Variants in FAM117B observed in about 807,000 individuals in gnomAD.
FAM117B encodes the protein protein FAM117B.
A neutral mutation model predicts 52.8 loss-of-function variants in FAM117B; 22 were observed. The observed-to-expected ratio is 0.42, with a 90% confidence interval of 0.30 to 0.59. FAM117B has a LOEUF of 0.59. FAM117B is among the 20% of genes least tolerant of loss of function. The pLI is 0.22. For missense variants in FAM117B, 678 were observed against 802.6 expected (o/e 0.84, Z 1.88); for synonymous variants, 309 against 324.1 (o/e 0.95, Z 0.50).
chr2:202,650,503 A>C (rs902302082), intron 1 of FAM117B, among the ~76,000 whole-genome samples: 1 of 152,204 alleles, frequency 6.6e-6, no homozygotes, highest in African/African-American at 2.4e-5. Flanking sequence ...GAACTGAACT[A>C]ATAGGATAGA....
chr2:202,692,691 A>C (rs976889972), intron 1 of FAM117B, among the ~76,000 whole-genome samples: 1 of 152,314 alleles, frequency 6.6e-6, no homozygotes, highest in South Asian at 2.1e-4. Flanking sequence ...AATTTTACGT[A>C]TCATCTTCGA....
chr2:202,654,019 G>T (rs1159519366), intron 1 of FAM117B, among the ~76,000 whole-genome samples: 3 of 151,518 alleles, frequency 2.0e-5, no homozygotes, highest in Middle Eastern at 3.4e-3. Flanking sequence ...AATTTCCCCA[G>T]TGAAATCATC....
chr2:202,755,473 T>TA, intron 4 of FAM117B, 65 bp from the exon 5 acceptor site: 2 of 1,569,594 alleles, frequency 1.3e-6, no homozygotes, highest in East Asian at 4.5e-5. Flanking sequence ...CTGTTGGAAT[T>TA]ACGCTTCAGC....
rs974823749 is a variant in FAM117B at position 202,750,123 on chromosome 2, G to A, written c.961-5415G>A. 1.6e-4 allele frequency among the ~76,000 whole-genome samples: 25 copies of A among 152,186 alleles called. 1 individual carries two copies. The highest frequency in any genetic ancestry group is 5.5e-4 in the African/African-American group (23 of 41,446). On this transcript the variant is annotated intron_variant, in intron 4 of 7. Coordinates refer to ENST00000392238, the MANE Select transcript of FAM117B (RefSeq NM_173511.4). Reference sequence around the variant, plus strand: ...TTGCAGACAGCTCCCTTCTTGCTGTGTGCTTATATGAGCTCTTCGTGTGCA... The same window carrying A: ...TTGCAGACAGCTCCCTTCTTGCTGTATGCTTATATGAGCTCTTCGTGTGCA...
rs369824992 is a variant in FAM117B at position 202,761,257 on chromosome 2, A to G, written c.1451+1904A>G. On this transcript the variant is annotated intron_variant, in intron 7 of 7. Transcript: ENST00000392238. ...GGATTTGCCTAAGTGCTAAATGTAG[A>G]GATTTGGTTGATTGGCTCCAAAGCA... Among the ~76,000 whole-genome samples the G allele has an allele frequency of 4.7e-4, 71 of 152,306 alleles. No individual in the cohort carries two copies. In the South Asian group the frequency reaches 0.012, roughly 25 times the overall value.
chr2:202,759,776 C>T (rs1691856950), intron 7 of FAM117B, among the ~76,000 whole-genome samples: 1 of 151,132 alleles, frequency 6.6e-6, no homozygotes, highest in African/African-American at 2.4e-5. Flanking sequence ...CCAGGATGGT[C>T]TCAATCTCCT....
intron 1 of FAM117B, among the ~76,000 whole-genome samples, chr2:202,660,281 T>C (rs1690109694): frequency 6.6e-6 from 1 of 152,038 alleles, no homozygotes; most frequent in African/African-American, 2.4e-5. Context: ...CTCTGAGTCC[T>C]ATTTAAGGCA....
chr2:202,665,552 G>A (rs1215126452), intron 1 of FAM117B, among the ~76,000 whole-genome samples: 2 of 152,156 alleles, frequency 1.3e-5, no homozygotes, highest in Admixed American at 6.5e-5. Context: ...AATCGTGGAT[G>A]TGATATCTCG....
At chr2:202,648,367 G>A (rs1393110152) in intron 1 of FAM117B, among the ~76,000 whole-genome samples, 2 of 151,932 alleles carry the variant, frequency 1.3e-5, no homozygotes, top group Non-Finnish European at 2.9e-5. Flanking sequence ...AAAAAAATTA[G>A]CCGAGTATAG....
intron 1 of FAM117B, among the ~76,000 whole-genome samples, chr2:202,653,942 C>T (rs1234411145): frequency 6.6e-6 from 1 of 152,038 alleles, no homozygotes; most frequent in East Asian, 1.9e-4. Flanking sequence ...TTTGTCCGTA[C>T]TATTCAACCT....
At position 202,757,323 on chromosome 2, in the gene FAM117B, C is replaced by T; in HGVS notation, c.1215C>T (p.Asn405=). 6 of 1,614,126 alleles carry T rather than the reference C, an allele frequency of 3.7e-6. No individual in the cohort carries two copies. Among genetic ancestry groups the T allele is most frequent in the Non-Finnish European group, 5.1e-6 (6 of 1,180,032 alleles). ...QTPGGADRGS[N]NSSRSQSVSP... is the part of the protein sequence containing the mutation. Reference sequence around the variant, plus strand: ...CTGGTGGGGCAGACAGGGGAAGCAACAACAGCAGCCGTTCCCAGTCCGTGT... The same window carrying T: ...CTGGTGGGGCAGACAGGGGAAGCAATAACAGCAGCCGTTCCCAGTCCGTGT... Residue 405 remains asparagine, a synonymous_variant, in exon 6 of 8, where the codon AAC becomes AAT. Transcript: ENST00000392238.
chr2:202,655,997 T>C (rs1690051204), intron 1 of FAM117B, among the ~76,000 whole-genome samples: 1 of 152,194 alleles, frequency 6.6e-6, no homozygotes, highest in Non-Finnish European at 1.5e-5. Flanking sequence ...ATTGTGTCTT[T>C]CAAGGAATTG....
intron 4 of FAM117B, among the ~76,000 whole-genome samples, chr2:202,737,202 T>G (rs187817840): frequency 1.2e-3 from 179 of 152,288 alleles, no homozygotes; most frequent in Non-Finnish European, 2.1e-3. Context: ...CATTTTATTA[T>G]TTACTTCAGC....
rs1692020234 is a variant in FAM117B, at chr2:202,768,441, G to A, written c.*2677G>A. On this transcript the variant is annotated 3_prime_UTR_variant, in exon 8 of 8. Coordinates refer to ENST00000392238, the MANE Select transcript of FAM117B (RefSeq NM_173511.4). ...GTATGGCAACCAGACAGATCCCTGG[G>A]GTTTGGGAGAAATAGAGCTTGAGAT... is the stretch of plus-strand genomic sequence containing the variant. 1.3e-5 allele frequency: 2 copies of A among 152,490 alleles called. No individual in the cohort carries two copies. The highest frequency in any genetic ancestry group is 1.3e-4 in the Admixed American group (2 of 15,260). 9.4% of individuals were successfully genotyped at this position (152,490 alleles called of 1,614,324 possible). A position where few individuals can be genotyped will look rare whatever the true frequency, so the allele number is the denominator to read the frequency against.
intron 1 of FAM117B, among the ~76,000 whole-genome samples, chr2:202,636,870 CTTAT>C (rs1457823939): frequency 6.6e-6 from 1 of 152,150 alleles, no homozygotes; most frequent in African/African-American, 2.4e-5. Context: ...TTAGATAATA[CTTAT>C]TTAGAGAGAA....
rs1274846637 is a variant in FAM117B at position 202,755,582 on chromosome 2, C to G, written c.1005C>G (p.Thr335=). The change falls in exon 5 of 8, where the codon ACC becomes ACG. Residue 335 remains threonine, a synonymous_variant. Coordinates refer to ENST00000392238, the MANE Select transcript of FAM117B (RefSeq NM_173511.4). ...KSALIPVIPI[T]KSTGSRFRNS... ...CACTTATTCCTGTAATTCCCATCAC[C>G]AAATCAACAGGCTCCCGGTTCCGGA... is the stretch of plus-strand genomic sequence containing the variant. 6.2e-7 allele frequency: 1 copy of G among 1,614,116 alleles called. No homozygotes were observed. Among genetic ancestry groups the G allele is most frequent in the Non-Finnish European group, 8.5e-7 (1 of 1,180,002 alleles).
At chr2:202,673,431 C>CTTTTTTTT (rs1690327997) in intron 1 of FAM117B, among the ~76,000 whole-genome samples, 3 of 31,186 alleles carry the variant, frequency 9.6e-5, no homozygotes, top group African/African-American at 1.7e-4. Context: ...TTTTCTTTTT[C>CTTTTTTTT]TGTTTTTTTT....
chr2:202,682,885 G>T (rs1023761255), intron 1 of FAM117B, among the ~76,000 whole-genome samples: 1 of 152,126 alleles, frequency 6.6e-6, no homozygotes, highest in Admixed American at 6.5e-5. Flanking sequence ...CAGTTAAAAC[G>T]TGTAGAAGAA....
At chr2:202,654,097 G>T (rs1690016929) in intron 1 of FAM117B, among the ~76,000 whole-genome samples, 1 of 148,266 alleles carries the variant, frequency 6.7e-6, no homozygotes, top group African/African-American at 2.6e-5. Flanking sequence ...GAGAGAGAGA[G>T]TGAGAGTGTG....
Sources: gnomAD v4.1 joint callset for allele counts (sites outside exome capture counted in the v4.1 genomes callset) on GRCh38, gnomAD v4.1.1 for gene constraint, MANE v1.5 for transcripts, NCBI Gene and HGNC (gene_info 2026-07-23, HGNC 2026-07-21) for gene names.